The following LMNA variants were observed in gnomAD, a reference collection of about 807,000 sequenced individuals.
LMNA encodes lamin.
In LMNA, 20 loss-of-function variants were observed where a neutral mutation model predicts 70.4. That is an observed-to-expected ratio of 0.28 (90% CI 0.20 to 0.41). The LOEUF is 0.41. Ranked by LOEUF, LMNA falls within the 10% of genes least tolerant of loss-of-function variation. The pLI, the probability that LMNA is intolerant of heterozygous loss-of-function variation, is 1.00. For synonymous variants in LMNA, 339 were observed against 372.8 expected, an observed-to-expected ratio of 0.91 and a Z score of 1.04; for missense variants, 652 against 917.2, an observed-to-expected ratio of 0.71 and a Z score of 3.73.
Position 156,138,218 on chromosome 1 carries a change from C to G in LMNA, c.1699-270C>G. On this transcript the variant is annotated intron_variant, in intron 10 of 11. Transcript: ENST00000368300. This position sits in a 1 kb window ranked among gnomAD's most constrained non-coding sequence, Gnocchi z 5.5. ...CTTGCTCCCGTTCTCTCTTCTTTTC[C>G]TCTTAAGCTCAGAGTAGCTAGAACA... The G allele has an allele frequency of 1.7e-6, 1 of 581,116 alleles. No individual in the cohort carries two copies. The highest frequency in any genetic ancestry group is 2.1e-5 in the South Asian group (1 of 47,408). 36.0% of individuals were successfully genotyped at this position (581,116 alleles called of 1,614,324 possible).
chr1:156,127,516 T>TG, intron 1 of LMNA, among the ~76,000 whole-genome samples: 1 of 109,210 alleles, frequency 9.2e-6, no homozygotes, highest in Non-Finnish European at 1.8e-5. Flanking sequence ...ACTGTTTTTT[T>TG]TTTTTTTTTT....
At position 156,103,555 on chromosome 1, in the gene LMNA, G is replaced by A. The variant is rs186853708; in HGVS notation, c.-206-11158G>A. 4.4e-3 allele frequency among the ~76,000 whole-genome samples: 675 copies of A among 152,220 alleles called. 4 individuals are homozygous for A. The highest frequency in any genetic ancestry group is 0.013 in the Admixed American group (194 of 15,294). ...GGTGGCCCCCTTGAGGAGGAGATGGGAGGGCAGCGCATACCCCTAGCCAAC... is the reference window on the plus strand; with the variant it reads ...GGTGGCCCCCTTGAGGAGGAGATGGAAGGGCAGCGCATACCCCTAGCCAAC... On this transcript the variant is annotated intron_variant, in intron 3 of 12. Transcript: ENST00000368301. The surrounding 1 kb of genome is among the most constrained non-coding windows in gnomAD (Gnocchi z 4.7).
Position 156,138,094 on chromosome 1 carries a change from T to G in LMNA, c.1698+351T>G. On this transcript the variant is annotated intron_variant, in intron 10 of 11. Coordinates refer to ENST00000368300, the MANE Select transcript of LMNA (RefSeq NM_170707.4). This position sits in a 1 kb window ranked among gnomAD's most constrained non-coding sequence, Gnocchi z 5.5. ...CTCTCCCCCATTCTTGTTGCATGCA[T>G]ATCCTCTCATTTCCCTCATTTTTCC... The G allele has an allele frequency of 1.4e-5, 7 of 505,970 alleles. No homozygotes were observed. The highest frequency in any genetic ancestry group is 1.8e-5 in the Non-Finnish European group (5 of 278,610). The allele number at this position is 505,970 out of a possible 1,614,324, so 31.3% of individuals were successfully genotyped here. A position where few individuals can be genotyped will look rare whatever the true frequency, so the allele number is the denominator to read the frequency against.
rs546474981 is a variant in LMNA, at chr1:156,127,167, T to G, written c.357-3450T>G. ...GGTCTACTTTGGTCCCTGCTAGGTCTGAGGACCCCTCCTAGGAAGGAAATG... is the reference window on the plus strand; with the variant it reads ...GGTCTACTTTGGTCCCTGCTAGGTCGGAGGACCCCTCCTAGGAAGGAAATG... On this transcript the variant is annotated intron_variant, in intron 1 of 11. Transcript: ENST00000368300. Among the ~76,000 whole-genome samples, 18 of 152,246 alleles carry G rather than the reference T, an allele frequency of 1.2e-4. 1 individual carries two copies. Among genetic ancestry groups the G allele is most frequent in the African/African-American group, 3.6e-4 (15 of 41,556 alleles).
At position 156,137,252 on chromosome 1, in the gene LMNA, G is replaced by A. The variant is rs1184494064; in HGVS notation, c.1608+20G>A. The A allele has an allele frequency of 6.4e-7, 1 of 1,556,238 alleles. No homozygotes were observed. The highest frequency in any genetic ancestry group is 1.9e-5 in the Admixed American group (1 of 52,662). ...GGGGAAGTAAGTAGGCCTGGGCCTG[G>A]CTGCTTGCTGGACGAGGCTCCCCCT... On this transcript the variant is annotated intron_variant, in intron 9 of 11. Coordinates refer to ENST00000368300, the MANE Select transcript of LMNA (RefSeq NM_170707.4). This position sits in a 1 kb window ranked among gnomAD's most constrained non-coding sequence, Gnocchi z 4.6.
chr1:156,105,116 G>A (rs1649281907), intron 3 of LMNA, among the ~76,000 whole-genome samples: 1 of 152,206 alleles, frequency 6.6e-6, no homozygotes, highest in Admixed American at 6.5e-5. Flanking sequence ...AGAGGTCAAG[G>A]CCAAAGTGAG....
rs1456965086 is a variant in LMNA at position 156,131,277 on chromosome 1, AT to A, written c.513+505del. Among the ~76,000 whole-genome samples, 21 of 149,812 alleles carry A rather than the reference AT, an allele frequency of 1.4e-4. No homozygotes were observed. The East Asian group carries it at 2.5e-3, about 18-fold the overall frequency. ...CAGAGTGAGACTCCGTCTCAAAAAA[AT>A]AATAATAATAATAATAAAAATAATC... On this transcript the variant is annotated intron_variant, in intron 2 of 11. Coordinates refer to ENST00000368300, the MANE Select transcript of LMNA (RefSeq NM_170707.4).
intron 2 of LMNA, among the ~76,000 whole-genome samples, chr1:156,084,586 T>TC (rs1648412386): frequency 6.6e-6 from 1 of 152,058 alleles, no homozygotes; most frequent in Admixed American, 6.6e-5. Flanking sequence ...CTGCCTCTTG[T>TC]CCCCTCCGTC....
chr1:156,135,324 C>G lies in LMNA; in HGVS notation c.936+12C>G. The G allele has an allele frequency of 6.2e-7, 1 of 1,612,256 alleles. No individual in the cohort carries two copies. Among genetic ancestry groups the G allele is most frequent in the Non-Finnish European group, 8.5e-7 (1 of 1,179,496 alleles). On this transcript the variant is annotated intron_variant, in intron 5 of 11. Coordinates refer to ENST00000368300, the MANE Select transcript of LMNA (RefSeq NM_170707.4). This position sits in a 1 kb window ranked among gnomAD's most constrained non-coding sequence, Gnocchi z 4.8. ...AGCTCCAGAAGCAGGTGATACCCCA[C>G]CTCACCCCTCTCTCCAGGGGCCTAG...
At position 156,117,515 on chromosome 1, in the gene LMNA, G is replaced by A. The variant is rs565485855; in HGVS notation, c.356+2241G>A. Reference sequence around the variant, plus strand: ...CTCCCAAAGTGTTGGGATTAGAGACGGGAGCCACTGCGCCTGGCTTCTTTT... The same window carrying A: ...CTCCCAAAGTGTTGGGATTAGAGACAGGAGCCACTGCGCCTGGCTTCTTTT... On this transcript the variant is annotated intron_variant, in intron 1 of 11. Transcript: ENST00000368300. Among the ~76,000 whole-genome samples the A allele has an allele frequency of 1.2e-4, 18 of 152,174 alleles. No individual in the cohort carries two copies. In the East Asian group the frequency reaches 2.9e-3, roughly 24 times the overall value.
intron 1 of LMNA, among the ~76,000 whole-genome samples, chr1:156,123,919 A>C (rs1451122341): frequency 6.6e-6 from 1 of 152,176 alleles, no homozygotes; most frequent in Non-Finnish European, 1.5e-5. Context: ...ACATGTCAAC[A>C]GGCTTCCTAT....
chr1:156,088,863 A>G (rs1047950834), intron 2 of LMNA, among the ~76,000 whole-genome samples: 3 of 152,188 alleles, frequency 2.0e-5, no homozygotes, highest in Admixed American at 6.5e-5. Flanking sequence ...CGTGTTAGCC[A>G]GGATGGTCTC....
chr1:156,138,651 C>T lies in LMNA; in HGVS notation c.1862C>T (p.Thr621Met), dbSNP rs765594825. 38 of 1,613,436 alleles carry T rather than the reference C, an allele frequency of 2.4e-5. No homozygotes were observed. Among genetic ancestry groups the T allele is most frequent in the African/African-American group, 2.0e-4 (15 of 74,936 alleles). ...TCTGGCTCTTCTGCCTCCAGTGTCA[C>T]GGTCACTCGCAGCTACCGCAGTGTG... ...ISSGSSASSV[T>M]VTRSYRSVGG... is the part of the protein sequence containing the mutation. The change falls in exon 11 of 12, where the codon ACG becomes ATG. Residue 621 changes from threonine to methionine, a missense_variant. Around this residue, in one of 4 missense-constraint regions of LMNA, gnomAD observed 327 missense variants for 387.6 expected, o/e 0.84. Coordinates refer to ENST00000368300, the MANE Select transcript of LMNA (RefSeq NM_170707.4). The surrounding 1 kb of genome is among the most constrained non-coding windows in gnomAD (Gnocchi z 5.5).
At chr1:156,126,615 G>T in intron 1 of LMNA, 1 of 1,008,314 alleles carries the variant, frequency 9.9e-7, no homozygotes. Context: ...TGTCCCACCA[G>T]GCACAGCTCT....
At position 156,135,584 on chromosome 1, in the gene LMNA, T is replaced by C. The variant is rs893977149; in HGVS notation, c.936+272T>C. 10 of 591,592 alleles carry C rather than the reference T, an allele frequency of 1.7e-5. No homozygotes were observed. Among genetic ancestry groups the C allele is most frequent in the Middle Eastern group, 4.5e-4 (1 of 2,222 alleles). 36.6% of individuals were successfully genotyped at this position (591,592 alleles called of 1,614,324 possible). Reference sequence around the variant, plus strand: ...TGTTCTTAATCTCCCTAACTCAGAGTTGCCACAGGACTCTGCAATGTGAGG... The same window carrying C: ...TGTTCTTAATCTCCCTAACTCAGAGCTGCCACAGGACTCTGCAATGTGAGG... On this transcript the variant is annotated intron_variant, in intron 5 of 11. Coordinates refer to ENST00000368300, the MANE Select transcript of LMNA (RefSeq NM_170707.4). The surrounding 1 kb of genome is among the most constrained non-coding windows in gnomAD (Gnocchi z 4.8).
rs1060499873 is a variant in LMNA, at chr1:156,139,079, G to T, written c.1969-1G>T. On this transcript the variant is annotated splice_acceptor_variant, in intron 11 of 11. Transcript: ENST00000368300. LOFTEE classifies it high-confidence loss of function. ...CCTCTCTCCTCTGTTTTCTCTCTTA[G>T]AGCCCCCAGAACTGCAGCATCATGT... 4 of 1,613,864 alleles carry T rather than the reference G, an allele frequency of 2.5e-6. No homozygotes were observed. The highest frequency in any genetic ancestry group is 3.4e-6 in the Non-Finnish European group (4 of 1,179,906).
At chr1:156,102,636 C>T (rs1008807826) in intron 3 of LMNA, among the ~76,000 whole-genome samples, 5 of 152,184 alleles carry the variant, frequency 3.3e-5, no homozygotes, top group Admixed American at 2.6e-4. Context: ...ATTTCCAGCC[C>T]CTCCTGGGCG....
upstream of LMNA, among the ~76,000 whole-genome samples, chr1:156,112,648 C>T (rs1649583516): frequency 6.6e-6 from 1 of 152,138 alleles, no homozygotes; most frequent in African/African-American, 2.4e-5. Context: ...GGGAGAGAAG[C>T]CATATTCTGG....
In LMNA at chr1:156,138,120, T is replaced by C; in HGVS notation, c.1699-368T>C. The C allele has an allele frequency of 3.8e-6, 2 of 521,978 alleles. No homozygotes were observed. Among genetic ancestry groups the C allele is most frequent in the Non-Finnish European group, 6.9e-6 (2 of 288,584 alleles). The allele number at this position is 521,978 out of a possible 1,614,324, so 32.3% of individuals were successfully genotyped here. On this transcript the variant is annotated intron_variant, in intron 10 of 11. Transcript: ENST00000368300. The surrounding 1 kb of genome is among the most constrained non-coding windows in gnomAD (Gnocchi z 5.5). ...ATCCTCTCATTTCCCTCATTTTTCC[T>C]GCAAGAATGTTCTCTCTCATTCCTG...
Sources: allele counts gnomAD v4.1 joint callset (sites outside exome capture counted in the v4.1 genomes callset), GRCh38; gene constraint gnomAD v4.1.1; regional missense constraint gnomAD v4.1.1; non-coding constraint Gnocchi (gnomAD v3.1); transcripts MANE v1.5; gene names NCBI Gene and HGNC (gene_info 2026-07-23, HGNC 2026-07-21).